Variants in MYH7B observed in about 807,000 individuals in gnomAD.
MYH7B encodes myosin heavy chain 7B.
MYH7B carries 205 observed loss-of-function variants against 234.5 expected under a neutral mutation model. The observed-to-expected ratio is 0.87, with a 90% CI of 0.78 to 0.98. MYH7B has a LOEUF of 0.98. Among genes scored for constraint, MYH7B ranks in the 50% least tolerant of loss-of-function variants. The pLI is 0.00. For missense variants in MYH7B, 2,652 were observed against 2,633.4 expected (o/e 1.01, Z -0.15); for synonymous variants, 1,193 against 1,105.0 (o/e 1.08, Z -1.58).
At chr20:34,993,444 T>G in exon 26 of MYH7B, 1 of 1,608,746 alleles carries the variant, frequency 6.2e-7, no homozygotes. Flanking sequence ...TCATGCGCCT[T>G]GAGTACCAGC....
rs1202453315 is a variant in MYH7B at position 34,997,462 on chromosome 20, TGCGGCACGAGGCCACAGTG to T, written c.3577_3595del (p.Glu1193CysfsTer47). On this transcript the variant is annotated frameshift_variant, in exon 32 of 45. Transcript: ENST00000262873. LOFTEE classifies it high-confidence loss of function. ...CGGCGGGAGCTGGAGGAGGCGGCGC[TGCGGCACGAGGCCACAGTG>T]GCGGCACTGCGGCGCAAGCAGGCGG... 1.3e-5 allele frequency: 19 copies of T among 1,500,614 alleles called. No individual in the cohort carries two copies. The highest frequency in any genetic ancestry group is 1.7e-5 in the Non-Finnish European group (19 of 1,128,012). The allele number at this position is 1,500,614 out of a possible 1,614,324, so 93.0% of individuals were successfully genotyped here. A position where few individuals can be genotyped will look rare whatever the true frequency, so the allele number is the denominator to read the frequency against.
At chr20:34,999,746 GCCATCCCCCCCCCCCACCCTAC>G (rs778386772) in intron 37 of MYH7B, 23 bp from the exon 38 acceptor site, 1 of 1,551,118 alleles carries the variant, frequency 6.4e-7, no homozygotes, top group African/African-American at 1.7e-5. Context: ...TGCTCCACTG[GCCATCCCCCCCCCCCACCCTAC>G]CCTGCCTGCT....
intron 27 of MYH7B, 100 bp from the exon 28 acceptor site, chr20:34,995,236 T>G: frequency 8.0e-7 from 1 of 1,251,264 alleles, no homozygotes; most frequent in Non-Finnish European, 1.1e-6. Context: ...CAGCCAAACT[T>G]TGCTACAGAG....
chr20:34,995,474 C>T lies in MYH7B; in HGVS notation c.2839C>T (p.Arg947Trp), dbSNP rs373290189. The T allele has an allele frequency of 1.3e-5, 21 of 1,613,924 alleles. No individual in the cohort carries two copies. The highest frequency in any genetic ancestry group is 8.0e-5 in the African/African-American group (6 of 74,938). ...GGTGAACGCTGACCTGGCCGCCCGC[C>T]GGCGCAAGCTGGAGGACGAGTGCAC... is the stretch of plus-strand genomic sequence containing the variant. The change falls in exon 28 of 45, where the codon CGG becomes TGG. Residue 947 changes from arginine (R) to tryptophan (W), a missense_variant. Arg to Trp is a moderately radical substitution (Grantham distance 101). Coordinates refer to ENST00000262873, the Ensembl canonical transcript of MYH7B.
intron 3 of MYH7B, among the ~76,000 whole-genome samples, chr20:34,977,056 T>TA (rs755112132): frequency 1.2e-5 from 1 of 83,336 alleles, no homozygotes; most frequent in South Asian, 5.1e-4. Context: ...CCCCTACCCC[T>TA]CCCCCCTCTC....
rs2081931562 is a variant in MYH7B, at chr20:34,980,829, C to T, written c.499+95C>T. The stretch of plus-strand genomic sequence containing the variant: ...CCCCCTTCCCCCACTGGCACTGCCC[C>T]CCTTTTGACGCTGCTGGACATGGTC... On this transcript the variant is annotated intron_variant, in intron 8 of 44. Coordinates refer to ENST00000262873, the Ensembl canonical transcript of MYH7B. 3.9e-6 allele frequency: 6 copies of T among 1,545,634 alleles called. No individual in the cohort carries two copies. In the African/African-American group the frequency reaches 6.9e-5, roughly 18 times the overall value.
At chr20:34,979,950 G>A (rs1220119511) in intron 7 of MYH7B, 146 bp downstream of exon 7, 10 of 911,422 alleles carry the variant, frequency 1.1e-5, no homozygotes, top group Non-Finnish European at 1.6e-5. Context: ...GGTCCATAGC[G>A]GGGGTGGGGC....
At chr20:34,992,561 G>GT (rs71196773) in intron 24 of MYH7B, among the ~76,000 whole-genome samples, 43,352 of 118,296 alleles carry the variant, frequency 0.37, 9,795 homozygotes, top group East Asian at 0.57. Flanking sequence ...CCAAGGTTGT[G>GT]TTTTTTTTTT....
chr20:34,959,370 G>C (rs1328062406), intron 2 of MYH7B, among the ~76,000 whole-genome samples: 1 of 152,214 alleles, frequency 6.6e-6, no homozygotes, highest in East Asian at 1.9e-4. Flanking sequence ...AGAGGGAGAT[G>C]ATTTGCCCTG....
In MYH7B at chr20:34,980,577, G is replaced by C; in HGVS notation, c.343-1G>C. The C allele has an allele frequency of 6.2e-7, 1 of 1,613,192 alleles. No individual in the cohort carries two copies. Among genetic ancestry groups the C allele is most frequent in the Non-Finnish European group, 8.5e-7 (1 of 1,179,240 alleles). ...AAACCCTACCTATACTCTCTCTTCA[G>C]ACCTACTCAGGCCTCTTCTGTGTCA... On this transcript the variant is annotated splice_acceptor_variant, in intron 7 of 44. Coordinates refer to ENST00000262873, the Ensembl canonical transcript of MYH7B. LOFTEE classifies it high-confidence loss of function.
intron 2 of MYH7B, among the ~76,000 whole-genome samples, chr20:34,971,397 C>T (rs995666707): frequency 2.0e-5 from 3 of 152,146 alleles, no homozygotes; most frequent in Non-Finnish European, 4.4e-5. Context: ...TCCCCACCCC[C>T]TCCCCCCAGT....
intron 24 of MYH7B, 145 bp from the exon 25 acceptor site, chr20:34,992,957 G>A: frequency 9.9e-7 from 1 of 1,007,256 alleles, no homozygotes; most frequent in South Asian, 1.6e-5. Flanking sequence ...GTGCCCTGCT[G>A]GAACCTCTGC....
chr20:34,960,643 C>A (rs943477079), intron 2 of MYH7B, among the ~76,000 whole-genome samples: 2 of 152,210 alleles, frequency 1.3e-5, no homozygotes, highest in African/African-American at 4.8e-5. Flanking sequence ...AGTGATATCA[C>A]CCTGCCTCAT....
chr20:34,991,075 C>T lies in MYH7B; in HGVS notation c.2137C>T (p.Arg713Cys), dbSNP rs771235276. The T allele has an allele frequency of 2.4e-5, 38 of 1,613,608 alleles. No individual in the cohort carries two copies. Among genetic ancestry groups the T allele is most frequent in the East Asian group, 1.6e-4 (7 of 44,864 alleles). The change falls in exon 24 of 45, where the codon CGC becomes TGC. Residue 713 changes from arginine (R) to cysteine (C), a missense_variant. Arg to Cys is a radical substitution (Grantham distance 180). Around this residue, in one of 3 missense-constraint regions of MYH7B, gnomAD observed 2,279 missense variants for 2,211.4 expected, o/e 1.03. Transcript: ENST00000262873. Reference sequence around the variant, plus strand: ...GGTCCTGGAGGGGATCCGGATCTGCCGCCAAGGGTTCCCCAACAGGTTGCT... The same window carrying T: ...GGTCCTGGAGGGGATCCGGATCTGCTGCCAAGGGTTCCCCAACAGGTTGCT...
exon 32 of MYH7B, chr20:34,997,453 A>G: frequency 6.7e-7 from 1 of 1,489,344 alleles, no homozygotes; most frequent in Non-Finnish European, 8.9e-7. Flanking sequence ...GAGCTGGAGG[A>G]GGCGGCGCTG....
intron 2 of MYH7B, among the ~76,000 whole-genome samples, chr20:34,967,335 C>G (rs2081752176): frequency 6.6e-6 from 1 of 152,128 alleles, no homozygotes; most frequent in Non-Finnish European, 1.5e-5. Context: ...AGGCTCTGCT[C>G]AAGGAGGTCT....
intron 2 of MYH7B, among the ~76,000 whole-genome samples, chr20:34,961,442 G>A (rs1401720552): frequency 1.3e-5 from 2 of 152,108 alleles, no homozygotes; most frequent in East Asian, 3.8e-4. Flanking sequence ...AACCCAAGAA[G>A]TAAAGACTCT....
chr20:34,997,383 TC>T lies in MYH7B; in HGVS notation c.3492del (p.Ala1165ArgfsTer81). 6.6e-7 allele frequency: 1 copy of T among 1,516,476 alleles called. No homozygotes were observed. Among genetic ancestry groups the T allele is most frequent in the Non-Finnish European group, 8.8e-7 (1 of 1,138,566 alleles). The allele number at this position is 1,516,476 out of a possible 1,614,324, so 93.9% of individuals were successfully genotyped here. A position where few individuals can be genotyped will look rare whatever the true frequency, so the allele number is the denominator to read the frequency against. ...GCGGCTGGAGGAGGCAGGCGGCGCA[TC>T]CGCGGGGCAGCGCGAGGGCTGCCGC... is the stretch of plus-strand genomic sequence containing the variant. On this transcript the variant is annotated frameshift_variant, in exon 32 of 45. Transcript: ENST00000262873. LOFTEE classifies it high-confidence loss of function.
chr20:34,986,873 CCT>C lies in MYH7B; in HGVS notation c.905-12_905-11del. ...CACTGCCTGACCCTCCCTTCTCTGC[CCT>C]GTGTCCCCAGACATGCTGCTTCTGT... On this transcript the variant is annotated splice_polypyrimidine_tract_variant and intron_variant, in intron 14 of 44. Transcript: ENST00000262873. 3.1e-6 allele frequency: 5 copies of C among 1,608,790 alleles called. No homozygotes were observed. The South Asian group carries it at 3.3e-5, about 11-fold the overall frequency.
Sources: gnomAD v4.1 joint callset for allele counts (sites outside exome capture counted in the v4.1 genomes callset) on GRCh38, gnomAD v4.1.1 for gene constraint, gnomAD v4.1.1 regional missense constraint, MANE v1.5 for transcripts, NCBI Gene and HGNC (gene_info 2026-07-23, HGNC 2026-07-21) for gene names.